Variants in KCNIP4 observed in about 807,000 individuals in gnomAD.
KCNIP4 encodes potassium voltage-gated channel interacting protein 4, also known as Kv channel-interacting protein 4.
A neutral mutation model predicts 34.0 loss-of-function variants in KCNIP4; 12 were observed. That is an observed-to-expected ratio of 0.35 (90% CI 0.23 to 0.57). KCNIP4 has a LOEUF of 0.57. Among genes scored for constraint, KCNIP4 ranks in the 20% least tolerant of loss-of-function variants. The pLI is 0.83. For synonymous variants in KCNIP4, 124 were observed against 102.2 expected (o/e 1.21, Z -1.29); for missense variants, 238 against 311.7 (o/e 0.76, Z 1.78).
At chr4:21,046,209 G>C (rs760151033) in intron 1 of KCNIP4, among the ~76,000 whole-genome samples, 8 of 152,178 alleles carry the variant, frequency 5.3e-5, no homozygotes, top group Non-Finnish European at 1.2e-4. Context: ...CTGCTGTTTG[G>C]TTTGGGCCAA....
intron 3 of KCNIP4, among the ~76,000 whole-genome samples, chr4:20,774,360 A>G (rs1452191188): frequency 6.6e-6 from 1 of 152,034 alleles, no homozygotes; most frequent in Admixed American, 6.5e-5. Context: ...AGCTTTTAGA[A>G]TCTAACAGCC....
chr4:21,226,682 T>A (rs1332023015), intron 1 of KCNIP4, among the ~76,000 whole-genome samples: 1 of 152,188 alleles, frequency 6.6e-6, no homozygotes, highest in Admixed American at 6.5e-5. Flanking sequence ...TTGGATACTT[T>A]TTCCACAACA....
chr4:20,991,821 A>T (rs905923916), intron 1 of KCNIP4, among the ~76,000 whole-genome samples: 19 of 152,164 alleles, frequency 1.2e-4, no homozygotes, highest in African/African-American at 4.6e-4. Context: ...TCCTACTTCT[A>T]GGTCTGTTCC....
At chr4:20,837,239 C>A (rs1316067330) in intron 3 of KCNIP4, among the ~76,000 whole-genome samples, 5 of 152,132 alleles carry the variant, frequency 3.3e-5, no homozygotes, top group Non-Finnish European at 7.3e-5. Flanking sequence ...TTGACACATT[C>A]TCCTCCCTTG....
chr4:20,731,864 A>T (rs929835262), intron 8 of KCNIP4, 142 bp downstream of exon 8: 13 of 1,424,096 alleles, frequency 9.1e-6, no homozygotes, highest in Non-Finnish European at 1.2e-5. Context: ...TCAGAGTGGT[A>T]GGCTTATGCT....
At chr4:21,146,647 G>A (rs533643454) in intron 1 of KCNIP4, among the ~76,000 whole-genome samples, 1 of 152,262 alleles carries the variant, frequency 6.6e-6, no homozygotes, top group South Asian at 2.1e-4. Context: ...TTTGTTATCA[G>A]CGGTGTGTGT....
intron 1 of KCNIP4, among the ~76,000 whole-genome samples, chr4:21,404,321 G>C (rs567480664): frequency 2.0e-5 from 3 of 152,098 alleles, no homozygotes; most frequent in African/African-American, 7.2e-5. Context: ...CAAGCTCCTT[G>C]TTAGCAGGAA....
chr4:21,790,969 C>CAAAAAAAAAAAAAAAA (rs10560597), intron 1 of KCNIP4, among the ~76,000 whole-genome samples: 2 of 89,670 alleles, frequency 2.2e-5, no homozygotes, highest in African/African-American at 3.4e-5. Flanking sequence ...GCGCACTCCA[C>CAAAAAAAAAAAAAAAA]AAAAAAAAAA....
chr4:21,000,308 G>GA (rs1457546595), intron 1 of KCNIP4, among the ~76,000 whole-genome samples: 1 of 149,876 alleles, frequency 6.7e-6, no homozygotes, highest in Non-Finnish European at 1.5e-5. Context: ...CTATTCTACA[G>GA]AAAAAAAAGA....
chr4:21,927,155 C>T (rs1729294084), intron 1 of KCNIP4, among the ~76,000 whole-genome samples: 1 of 152,172 alleles, frequency 6.6e-6, no homozygotes, highest in African/African-American at 2.4e-5. Flanking sequence ...TCTTTAGTGA[C>T]ATCTCTCTCT....
At chr4:21,330,075 A>G (rs1195266945) in intron 1 of KCNIP4, among the ~76,000 whole-genome samples, 1 of 152,206 alleles carries the variant, frequency 6.6e-6, no homozygotes, top group Non-Finnish European at 1.5e-5. Context: ...TTAGTCTAGT[A>G]TATCTAATTA....
intron 1 of KCNIP4, among the ~76,000 whole-genome samples, chr4:20,899,356 G>T (rs1726912542): frequency 6.6e-6 from 1 of 152,106 alleles, no homozygotes; most frequent in African/African-American, 2.4e-5. Flanking sequence ...GTGAAATATT[G>T]TCCTTGAAAA....
chr4:20,939,783 G>A (rs77202447), intron 1 of KCNIP4, among the ~76,000 whole-genome samples: 1,930 of 152,196 alleles, frequency 0.013, 49 homozygotes, highest in African/African-American at 0.044. Context: ...TGGACCATCC[G>A]CAACCAGGCT....
At chr4:21,507,300 T>C (rs1214210661) in intron 1 of KCNIP4, among the ~76,000 whole-genome samples, 2 of 151,676 alleles carry the variant, frequency 1.3e-5, no homozygotes, top group Admixed American at 6.6e-5. Context: ...AGTCTCACTC[T>C]GTTTCCCAGG....
At chr4:21,326,889 C>A (rs1475598528) in intron 1 of KCNIP4, among the ~76,000 whole-genome samples, 1 of 151,942 alleles carries the variant, frequency 6.6e-6, no homozygotes, top group Non-Finnish European at 1.5e-5. Context: ...GTTGTTAACA[C>A]TGATTGCATA....
intron 3 of KCNIP4, among the ~76,000 whole-genome samples, chr4:20,823,185 A>G (rs1224586758): frequency 6.6e-6 from 1 of 152,198 alleles, no homozygotes; most frequent in Admixed American, 6.5e-5. Flanking sequence ...AGCATCAGGA[A>G]CAGACTGAAA....
chr4:21,691,981 A>C lies in KCNIP4; in HGVS notation c.61+256590T>G, dbSNP rs553657723. 3.2e-3 allele frequency among the ~76,000 whole-genome samples: 486 copies of C among 152,180 alleles called. 6 individuals are homozygous for C. Among genetic ancestry groups the C allele is most frequent in the African/African-American group, 0.011 (454 of 41,512 alleles). ...CCAAAGTGCCGGGATTACAGGCGTG[A>C]TCCACCGCACCAGGCCAAATGCAAC... On this transcript the variant is annotated intron_variant, in intron 1 of 8. Coordinates refer to ENST00000382152, the MANE Select transcript of KCNIP4 (RefSeq NM_025221.6).
At chr4:21,578,663 T>C (rs769084790) in intron 1 of KCNIP4, among the ~76,000 whole-genome samples, 33 of 152,136 alleles carry the variant, frequency 2.2e-4, no homozygotes, top group Non-Finnish European at 3.1e-4. Context: ...TGGGACCTCA[T>C]AGAATGTGAG....
At chr4:21,111,926 G>A (rs1241731533) in intron 1 of KCNIP4, among the ~76,000 whole-genome samples, 1 of 152,194 alleles carries the variant, frequency 6.6e-6, no homozygotes, top group Admixed American at 6.5e-5. Context: ...GTGGAATCAG[G>A]CTTCTGATAC....
Sources: gnomAD v4.1 joint callset for allele counts (sites outside exome capture counted in the v4.1 genomes callset) on GRCh38, gnomAD v4.1.1 for gene constraint, MANE v1.5 for transcripts, NCBI Gene and HGNC (gene_info 2026-07-23, HGNC 2026-07-21) for gene names.